The following RASGRP1 variants were observed in gnomAD, a reference collection of about 807,000 sequenced individuals.
RASGRP1 encodes the protein RAS guanyl releasing protein 1.
In RASGRP1, 37 loss-of-function variants were observed where a neutral mutation model predicts 95.1. The observed-to-expected ratio is 0.39, with a 90% CI of 0.30 to 0.51. RASGRP1 has a LOEUF of 0.51. Among genes scored for constraint, RASGRP1 ranks in the 20% least tolerant of loss-of-function variants. RASGRP1 has a pLI of 0.80. For missense variants in RASGRP1, 711 were observed against 965.4 expected (o/e 0.74, Z 3.49); for synonymous variants, 325 against 353.4 (o/e 0.92, Z 0.90).
chr15:38,553,715 T>C (rs2141188707), intron 2 of RASGRP1, among the ~76,000 whole-genome samples: 1 of 152,338 alleles, frequency 6.6e-6, no homozygotes, highest in South Asian at 2.1e-4. Context: ...CTGTACATTT[T>C]ATAGGGGGCT....
chr15:38,526,856 A>G (rs1307584935), intron 2 of RASGRP1, among the ~76,000 whole-genome samples: 1 of 152,164 alleles, frequency 6.6e-6, no homozygotes, highest in African/African-American at 2.4e-5. Context: ...ATATGAATAC[A>G]TTTCTAGGGC....
chr15:38,539,206 G>A (rs899073174), intron 2 of RASGRP1, among the ~76,000 whole-genome samples: 1 of 152,156 alleles, frequency 6.6e-6, no homozygotes, highest in Non-Finnish European at 1.5e-5. Flanking sequence ...CCTGACAGCT[G>A]TAAAGATAAA....
Position 38,537,511 on chromosome 15 carries a change from C to T in RASGRP1, c.221-11107G>A, listed in dbSNP as rs533721528. Among the ~76,000 whole-genome samples, 62 of 152,232 alleles carry T rather than the reference C, an allele frequency of 4.1e-4. 1 individual carries two copies. The South Asian group carries it at 8.9e-3, about 22-fold the overall frequency. ...CAACCCCATGGCTCATAGACATTGA[C>T]CATTCCCATGCAGCACTATAGACAT... On this transcript the variant is annotated intron_variant, in intron 2 of 16. Transcript: ENST00000310803.
At chr15:38,532,891 C>G (rs990155876) in intron 2 of RASGRP1, among the ~76,000 whole-genome samples, 1 of 151,834 alleles carries the variant, frequency 6.6e-6, no homozygotes, top group South Asian at 2.1e-4. Flanking sequence ...ATCAGAGTCT[C>G]GTGAGAGAAA....
chr15:38,552,934 T>G (rs1893395914), intron 2 of RASGRP1, among the ~76,000 whole-genome samples: 1 of 151,800 alleles, frequency 6.6e-6, no homozygotes, highest in African/African-American at 2.4e-5. Flanking sequence ...ATATGGCAAA[T>G]TATTTTTGCC....
At chr15:38,512,353 T>C (rs1008184964) in intron 7 of RASGRP1, among the ~76,000 whole-genome samples, 1 of 152,210 alleles carries the variant, frequency 6.6e-6, no homozygotes, top group Non-Finnish European at 1.5e-5. Context: ...TTTCCTCTTA[T>C]AAAATGCCCC....
At chr15:38,505,781 CT>C in intron 10 of RASGRP1, 58 bp downstream of exon 10, 1 of 1,349,274 alleles carries the variant, frequency 7.4e-7, no homozygotes, top group Non-Finnish European at 1.1e-6. Flanking sequence ...GATGAATGAA[CT>C]CGAGGAGAAG....
chr15:38,519,865 TATGTC>T (rs1463246075), intron 3 of RASGRP1, among the ~76,000 whole-genome samples: 1 of 152,224 alleles, frequency 6.6e-6, no homozygotes, highest in African/African-American at 2.4e-5. Flanking sequence ...AATATTCAGA[TATGTC>T]ATGATAATGA....
intron 12 of RASGRP1, among the ~76,000 whole-genome samples, chr15:38,501,923 C>T (rs1334742629): frequency 6.7e-6 from 1 of 150,318 alleles, no homozygotes; most frequent in South Asian, 2.1e-4. Flanking sequence ...GGCATGATCT[C>T]GGCTCACTGC....
intron 2 of RASGRP1, among the ~76,000 whole-genome samples, chr15:38,558,944 G>C (rs770201715): frequency 1.7e-4 from 26 of 152,060 alleles, no homozygotes; most frequent in Non-Finnish European, 1.6e-4. Flanking sequence ...GGTAGGCTTG[G>C]GGGGGTTGGT....
intron 15 of RASGRP1, among the ~76,000 whole-genome samples, chr15:38,495,197 G>T (rs1007742460): frequency 6.6e-6 from 1 of 152,156 alleles, no homozygotes; most frequent in African/African-American, 2.4e-5. Flanking sequence ...CCTCTAGCAG[G>T]TAAGTACTCT....
chr15:38,549,007 C>T (rs751496097), intron 2 of RASGRP1, among the ~76,000 whole-genome samples: 1 of 152,104 alleles, frequency 6.6e-6, no homozygotes, highest in Non-Finnish European at 1.5e-5. Context: ...TCAGGTGGAC[C>T]CCAGCATCCA....
intron 2 of RASGRP1, among the ~76,000 whole-genome samples, chr15:38,557,601 ATGTGTGTGTGTGTGTG>A (rs5812045): frequency 1.4e-5 from 2 of 145,292 alleles, no homozygotes; most frequent in African/African-American, 2.6e-5. Context: ...TTGTATATAT[ATGTGTGTGTGTGTGTG>A]TGTGTGTGTG....
intron 3 of RASGRP1, 27 bp from the exon 4 acceptor site, chr15:38,519,398 G>A: frequency 6.7e-7 from 1 of 1,487,582 alleles, no homozygotes; most frequent in East Asian, 2.3e-5. Flanking sequence ...GGGAAATGGA[G>A]ACCTCTGTTA....
At chr15:38,500,571 C>T (rs1264745801) in intron 13 of RASGRP1, among the ~76,000 whole-genome samples, 3 of 152,102 alleles carry the variant, frequency 2.0e-5, no homozygotes, top group South Asian at 2.1e-4. Flanking sequence ...GTCTCGAACT[C>T]GGGGCCTCAA....
rs1890444733 is a variant in RASGRP1, at chr15:38,488,557, T to C, written c.*1997A>G. 1 of 152,146 alleles carries C rather than the reference T, an allele frequency of 6.6e-6. No individual in the cohort carries two copies. Among genetic ancestry groups the C allele is most frequent in the African/African-American group, 2.4e-5 (1 of 41,550 alleles). The allele number at this position is 152,146 out of a possible 1,614,324, so 9.4% of individuals were successfully genotyped here. A position where few individuals can be genotyped will look rare whatever the true frequency, so the allele number is the denominator to read the frequency against. On this transcript the variant is annotated 3_prime_UTR_variant, in exon 17 of 17. Coordinates refer to ENST00000310803, the MANE Select transcript of RASGRP1 (RefSeq NM_005739.4). Reference sequence around the variant, plus strand: ...TTTCAGTGATAAATTCTGCAGTACTTGATACTGTTTAGCCATTGCTAATTT... The same window carrying C: ...TTTCAGTGATAAATTCTGCAGTACTCGATACTGTTTAGCCATTGCTAATTT...
intron 14 of RASGRP1, 151 bp downstream of exon 14, chr15:38,499,952 T>C: frequency 1.5e-6 from 1 of 669,190 alleles, no homozygotes. Flanking sequence ...TCTGCCATGA[T>C]TGTGAGTTTC....
rs1012814167 is a variant in RASGRP1 at position 38,549,929 on chromosome 15, C to T, written c.220+9892G>A. ...GTACCAAATCTTTGTGCTTCTGCTA[C>T]GTATCTCACCCAGTTGCTAACTTAA... On this transcript the variant is annotated intron_variant, in intron 2 of 16. Coordinates refer to ENST00000310803, the MANE Select transcript of RASGRP1 (RefSeq NM_005739.4). Among the ~76,000 whole-genome samples, 6 of 152,172 alleles carry T rather than the reference C, an allele frequency of 3.9e-5. No homozygotes were observed. The East Asian group carries it at 7.7e-4, about 20-fold the overall frequency.
At chr15:38,509,556 G>A (rs564602468) in intron 8 of RASGRP1, among the ~76,000 whole-genome samples, 61 of 152,126 alleles carry the variant, frequency 4.0e-4, no homozygotes, top group Non-Finnish European at 6.8e-4. Context: ...GTGAAACCCC[G>A]TCTCTACTAA....
Sources: allele counts gnomAD v4.1 joint callset (sites outside exome capture counted in the v4.1 genomes callset), GRCh38; gene constraint gnomAD v4.1.1; transcripts MANE v1.5; gene names NCBI Gene and HGNC (gene_info 2026-07-23, HGNC 2026-07-21).